NCKAP5: variants seen among roughly 807,000 people sequenced by gnomAD.
NCKAP5 encodes NCK associated protein 5, also known as nck-associated protein 5.
NCKAP5 carries 92 observed loss-of-function variants against 167.0 expected under a neutral mutation model. The observed-to-expected ratio is 0.55, with a 90% CI of 0.47 to 0.66. NCKAP5 has a LOEUF of 0.66. Among genes scored for constraint, NCKAP5 ranks in the 30% least tolerant of loss-of-function variants. The probability of loss-of-function intolerance (pLI) is 0.00; values close to 1 mark genes in which losing one functional copy is unlikely to be tolerated. For missense variants in NCKAP5, 2,378 were observed against 2,315.0 expected, an observed-to-expected ratio of 1.03 and a Z score of -0.56; for synonymous variants, 891 against 877.4, an observed-to-expected ratio of 1.02 and a Z score of -0.27.
chr2:133,502,758 T>C (rs561547684), intron 3 of NCKAP5, among the ~76,000 whole-genome samples: 11 of 152,172 alleles, frequency 7.2e-5, no homozygotes, highest in Admixed American at 1.3e-4. Flanking sequence ...TTTTAAAGAA[T>C]AGTAATAGTT....
chr2:132,710,499 T>C (rs935730334), intron 19 of NCKAP5, among the ~76,000 whole-genome samples: 1 of 152,118 alleles, frequency 6.6e-6, no homozygotes, highest in African/African-American at 2.4e-5. Context: ...TCTGAAAAGG[T>C]AGAACACTCT....
intron 16 of NCKAP5, among the ~76,000 whole-genome samples, chr2:132,754,523 C>A (rs572336387): frequency 6.6e-6 from 1 of 152,362 alleles, no homozygotes; most frequent in Non-Finnish European, 1.5e-5. Flanking sequence ...AGCTTCCCAA[C>A]TCCTCTGCAC....
the NCKAP5 span, among the ~76,000 whole-genome samples, chr2:133,660,519 T>C: frequency 6.6e-6 from 1 of 152,218 alleles, no homozygotes; most frequent in African/African-American, 2.4e-5. Flanking sequence ...CTCTTTTATA[T>C]ACTTTGTGGT....
At chr2:133,613,033 T>C in the NCKAP5 span, among the ~76,000 whole-genome samples, 1 of 152,160 alleles carries the variant, frequency 6.6e-6, no homozygotes, top group South Asian at 2.1e-4. Flanking sequence ...AAGAGGAGCA[T>C]TCCCAAAGAG....
At position 133,383,739 on chromosome 2, in the gene NCKAP5, T is replaced by A. The variant is rs181312789; in HGVS notation, c.70-80629A>T. ...TCTCCAGCACCTGTTATTTCCTGAC[T>A]TTTTAATGCTTGTCATTCTAACTGG... On this transcript the variant is annotated intron_variant, in intron 3 of 19. Coordinates refer to ENST00000409261, the MANE Select transcript of NCKAP5 (RefSeq NM_207363.3). Among the ~76,000 whole-genome samples the A allele has an allele frequency of 3.6e-3, 547 of 152,348 alleles. 2 individuals are homozygous for A. The highest frequency in any genetic ancestry group is 0.012 in the African/African-American group (498 of 41,580).
At chr2:132,986,522 A>G (rs2077293070) in intron 7 of NCKAP5, among the ~76,000 whole-genome samples, 1 of 152,196 alleles carries the variant, frequency 6.6e-6, no homozygotes, top group South Asian at 2.1e-4. Context: ...GAGATGAACT[A>G]GTCAGGAACT....
intron 19 of NCKAP5, among the ~76,000 whole-genome samples, chr2:132,675,805 A>G (rs1684367140): frequency 1.3e-5 from 2 of 151,990 alleles, no homozygotes; most frequent in Middle Eastern, 6.8e-3. Context: ...TACACTGGCC[A>G]GAGAGGTTAT....
chr2:132,828,196 T>C (rs916888354), intron 11 of NCKAP5, among the ~76,000 whole-genome samples: 2 of 152,194 alleles, frequency 1.3e-5, no homozygotes, highest in African/African-American at 2.4e-5. Flanking sequence ...AATACAGTTC[T>C]ATTGTTCATA....
intron 11 of NCKAP5, among the ~76,000 whole-genome samples, chr2:132,853,421 G>A (rs560347128): frequency 5.3e-5 from 8 of 152,148 alleles, no homozygotes; most frequent in Non-Finnish European, 1.0e-4. Flanking sequence ...TCTGATCTCC[G>A]AGCATGAGAG....
intron 8 of NCKAP5, among the ~76,000 whole-genome samples, chr2:132,905,689 A>G (rs1693953937): frequency 6.6e-6 from 1 of 152,160 alleles, no homozygotes; most frequent in Admixed American, 6.6e-5. Flanking sequence ...AGTATTTTAT[A>G]ACCTTCATTA....
chr2:132,936,482 T>A (rs1251430216), intron 8 of NCKAP5, among the ~76,000 whole-genome samples: 1 of 152,208 alleles, frequency 6.6e-6, no homozygotes, highest in Admixed American at 6.5e-5. Context: ...ATAATAAAGG[T>A]TCCTCACTCC....
chr2:133,421,712 G>C (rs1374900490), intron 3 of NCKAP5, among the ~76,000 whole-genome samples: 1 of 152,186 alleles, frequency 6.6e-6, no homozygotes, highest in Admixed American at 6.5e-5. Context: ...ACCTCAGCTG[G>C]GTCATCAGGA....
intron 4 of NCKAP5, among the ~76,000 whole-genome samples, chr2:133,257,289 C>T (rs1487805853): frequency 1.3e-5 from 2 of 152,094 alleles, no homozygotes; most frequent in Admixed American, 6.6e-5. Flanking sequence ...TATGAAATTG[C>T]AAACAACAAA....
chr2:133,625,612 GAAT>G, the NCKAP5 span, among the ~76,000 whole-genome samples: 1 of 152,066 alleles, frequency 6.6e-6, no homozygotes, highest in Non-Finnish European at 1.5e-5. Context: ...GCAGCAATAA[GAAT>G]AATAAGTCAC....
At chr2:133,357,460 T>C (rs1214840359) in intron 3 of NCKAP5, among the ~76,000 whole-genome samples, 1 of 152,160 alleles carries the variant, frequency 6.6e-6, no homozygotes, top group Admixed American at 6.6e-5. Flanking sequence ...TCCCAAAAAT[T>C]AGAATAATTT....
intron 3 of NCKAP5, among the ~76,000 whole-genome samples, chr2:133,413,747 C>G (rs186070165): frequency 6.6e-6 from 1 of 152,234 alleles, no homozygotes; most frequent in African/African-American, 2.4e-5. Context: ...CATGTTCTCC[C>G]GTAACAATCA....
In NCKAP5 at chr2:132,783,594, G is replaced by C. The variant is rs757409002; in HGVS notation, c.3217C>G (p.His1073Asp). Residue 1073 changes from histidine to aspartate, a missense_variant, in exon 14 of 20, where the codon CAT (histidine) becomes GAT (aspartate). Physicochemically the swap from His to Asp is moderately conservative, Grantham distance 81. Transcript: ENST00000409261. The stretch of plus-strand genomic sequence containing the variant: ...GAGGACGTCATTTCCAGTGGCTCAT[G>C]GGTTGAAGGAGAGATCCTGGGAGTC... ...LQTPRISPST[H>D]EPLEMTSSKS... 12 of 1,613,968 alleles carry C rather than the reference G, an allele frequency of 7.4e-6. 1 individual carries two copies. In the South Asian group the frequency reaches 1.2e-4, roughly 16 times the overall value.
intron 16 of NCKAP5, among the ~76,000 whole-genome samples, chr2:132,765,293 T>C (rs376030642): frequency 6.6e-6 from 1 of 151,294 alleles, no homozygotes; most frequent in South Asian, 2.1e-4. Context: ...TGTTTTCCTA[T>C]GGATTTCTTT....
At chr2:132,942,947 C>T (rs1042459482) in intron 8 of NCKAP5, among the ~76,000 whole-genome samples, 2 of 152,226 alleles carry the variant, frequency 1.3e-5, no homozygotes, top group Non-Finnish European at 2.9e-5. Flanking sequence ...CCTGGTTAGT[C>T]TGCAGGAAGT....
Sources: allele counts gnomAD v4.1 joint callset (sites outside exome capture counted in the v4.1 genomes callset), GRCh38; gene constraint gnomAD v4.1.1; transcripts MANE v1.5; gene names NCBI Gene and HGNC (gene_info 2026-07-23, HGNC 2026-07-21).